Variants in SLCO6A1 observed in about 807,000 individuals in gnomAD.
SLCO6A1 encodes the protein solute carrier organic anion transporter family member 6A1, also known as cancer/testis antigen 48.
In SLCO6A1, 65 loss-of-function variants were observed where a neutral mutation model predicts 72.7. The ratio of observed to expected loss-of-function variants is 0.89; its 90% CI spans 0.73 to 1.10. The LOEUF (loss-of-function observed/expected upper bound fraction) is 1.10, where lower values mean the gene tolerates loss of function less well. SLCO6A1 is among the 50% of genes least tolerant of loss of function. The pLI is 0.00. For synonymous variants in SLCO6A1, 314 were observed against 298.2 expected, an observed-to-expected ratio of 1.05 and a Z score of -0.55; for missense variants, 874 against 872.6, an observed-to-expected ratio of 1.00 and a Z score of -0.02.
chr5:102,376,481 A>C (rs1375839840), intron 12 of SLCO6A1, among the ~76,000 whole-genome samples: 1 of 152,180 alleles, frequency 6.6e-6, no homozygotes, highest in African/African-American at 2.4e-5. Context: ...ATAACAATTC[A>C]TCAAAAAGAC....
intron 9 of SLCO6A1, among the ~76,000 whole-genome samples, chr5:102,409,956 T>C (rs1045927677): frequency 1.3e-5 from 2 of 152,100 alleles, no homozygotes; most frequent in African/African-American, 4.8e-5. Flanking sequence ...ATGGTGAGCA[T>C]TTAAAAATAA....
chr5:102,495,484 A>G (rs1752869206), intron 1 of SLCO6A1, among the ~76,000 whole-genome samples: 1 of 152,082 alleles, frequency 6.6e-6, no homozygotes, highest in Non-Finnish European at 1.5e-5. Flanking sequence ...AATCCCTACT[A>G]CTTGGGAGGC....
chr5:102,480,847 A>G (rs925200804), intron 1 of SLCO6A1, among the ~76,000 whole-genome samples: 2 of 152,142 alleles, frequency 1.3e-5, no homozygotes, highest in African/African-American at 4.8e-5. Flanking sequence ...ATATTTCCCA[A>G]ACTCGTTTGT....
chr5:102,377,612 T>A (rs1219593348), intron 12 of SLCO6A1, among the ~76,000 whole-genome samples: 1 of 151,932 alleles, frequency 6.6e-6, no homozygotes, highest in Non-Finnish European at 1.5e-5. Flanking sequence ...CAGTTTTTTT[T>A]AATAAAAAGA....
At position 102,475,504 on chromosome 5, in the gene SLCO6A1, C is replaced by T. The variant is rs575164277; in HGVS notation, c.899+193G>A. Among the ~76,000 whole-genome samples, 39 of 152,034 alleles carry T rather than the reference C, an allele frequency of 2.6e-4. No homozygotes were observed. The South Asian group carries it at 6.6e-3, about 26-fold the overall frequency. ...ATAGTTAACAGTGCTGTACTATGCACTTAAAAATGTTTAAGATGTATATTT... is the reference window on the plus strand; with the variant it reads ...ATAGTTAACAGTGCTGTACTATGCATTTAAAAATGTTTAAGATGTATATTT... On this transcript the variant is annotated intron_variant, in intron 4 of 13. Coordinates refer to ENST00000506729, the MANE Select transcript of SLCO6A1 (RefSeq NM_173488.5).
chr5:102,471,766 A>G (rs1311878886), intron 4 of SLCO6A1, among the ~76,000 whole-genome samples: 2 of 152,072 alleles, frequency 1.3e-5, no homozygotes, highest in African/African-American at 2.4e-5. Context: ...GAAAATGTAC[A>G]GTTAACTCAC....
chr5:102,445,209 T>C (rs4386713), intron 6 of SLCO6A1, among the ~76,000 whole-genome samples: 44,620 of 152,116 alleles, frequency 0.29, 6,841 homozygotes, highest in South Asian at 0.35. Flanking sequence ...GAGTTCCTTT[T>C]CTCTGCAACC....
At chr5:102,498,151 A>C (rs770046685) in intron 1 of SLCO6A1, among the ~76,000 whole-genome samples, 22 of 151,824 alleles carry the variant, frequency 1.4e-4, no homozygotes, top group Middle Eastern at 3.4e-3. Flanking sequence ...ATCTTTAAAA[A>C]CTCTGATCCC....
At position 102,498,609 on chromosome 5, in the gene SLCO6A1, C is replaced by T. The variant is rs1201376729; in HGVS notation, c.236G>A (p.Gly79Glu). Residue 79 changes from glycine (G) to glutamate (E), a missense_variant, in exon 1 of 14, where the codon GGA (glycine) becomes GAA (glutamate). Gly to Glu is a moderately conservative substitution (Grantham distance 98). Coordinates refer to ENST00000506729, the MANE Select transcript of SLCO6A1 (RefSeq NM_173488.5). The part of the protein sequence containing the change: ...KAKSSVSKKP[G>E]EVDDSLEQPC... ...CTGCTCCAAACTGTCATCCACTTCT[C>T]CCGGCTTCTTGGAAACTGAGGACTT... 1 of 1,614,264 alleles carries T rather than the reference C, an allele frequency of 6.2e-7. No homozygotes were observed. The highest frequency in any genetic ancestry group is 8.5e-7 in the Non-Finnish European group (1 of 1,180,044).
At position 102,475,710 on chromosome 5, in the gene SLCO6A1, T is replaced by G; in HGVS notation, c.886A>C (p.Thr296Pro). 1 of 1,598,164 alleles carries G rather than the reference T, an allele frequency of 6.3e-7. No individual in the cohort carries two copies. Among genetic ancestry groups the G allele is most frequent in the Non-Finnish European group, 8.5e-7 (1 of 1,172,324 alleles). Reference sequence around the variant, plus strand: ...ATAATGCCTTACTTTGTTGCAGAAGTAGTATTCTCAGGGACTTTAACTAGT... The same window carrying G: ...ATAATGCCTTACTTTGTTGCAGAAGGAGTATTCTCAGGGACTTTAACTAGT... ...APLVKVPENTTSATNTTVNNG... is the reference protein window; with the variant it reads ...APLVKVPENTPSATNTTVNNG... The change falls in exon 4 of 14, where the codon ACT becomes CCT. Residue 296 changes from threonine to proline, a missense_variant. Thr to Pro is a conservative substitution (Grantham distance 38, BLOSUM62 -1). Transcript: ENST00000506729.
At position 102,480,384 on chromosome 5, in the gene SLCO6A1, A is replaced by G. The variant is rs775254274; in HGVS notation, c.409T>C (p.Tyr137His). 1 of 1,613,476 alleles carries G rather than the reference A, an allele frequency of 6.2e-7. No individual in the cohort carries two copies. The highest frequency in any genetic ancestry group is 2.2e-5 in the East Asian group (1 of 44,796). The change falls in exon 2 of 14, where the codon TAT (tyrosine) becomes CAT (histidine). Residue 137 changes from tyrosine (Y) to histidine (H), a missense_variant. By Grantham distance (83) the Tyr-to-His change is moderately conservative. Coordinates refer to ENST00000506729, the MANE Select transcript of SLCO6A1 (RefSeq NM_173488.5). Reference sequence around the variant, plus strand: ...AACTTCTCAATGGTTTTCAGTTGATATTCCTTCTGAAAATCGCCAATGCTG... The same window carrying G: ...AACTTCTCAATGGTTTTCAGTTGATGTTCCTTCTGAAAATCGCCAATGCTG... ...DVSIGDFQKE[Y>H]QLKTIEKLAL...
At chr5:102,384,467 A>G (rs11746723) in intron 12 of SLCO6A1, among the ~76,000 whole-genome samples, 98,135 of 151,672 alleles carry the variant, frequency 0.65, 31,937 homozygotes, top group African/African-American at 0.67. Flanking sequence ...TTGTAGTGGC[A>G]GTACGCTTTT....
intron 4 of SLCO6A1, among the ~76,000 whole-genome samples, chr5:102,471,114 G>A (rs1035579330): frequency 2.0e-5 from 3 of 151,890 alleles, no homozygotes; most frequent in African/African-American, 7.3e-5. Flanking sequence ...CATTAATGAA[G>A]ACCTAGGTTG....
At chr5:102,459,859 G>T in intron 4 of SLCO6A1, 82 bp from the exon 5 acceptor site, 1 of 1,203,472 alleles carries the variant, frequency 8.3e-7, no homozygotes, top group Non-Finnish European at 1.1e-6. Flanking sequence ...AGTGGAGAAA[G>T]TGAGAGTGAG....
chr5:102,411,808 C>T (rs557477555), intron 9 of SLCO6A1, among the ~76,000 whole-genome samples: 3 of 152,248 alleles, frequency 2.0e-5, no homozygotes, highest in South Asian at 4.1e-4. Flanking sequence ...TTTGAAATGG[C>T]CCTGCAAAGC....
intron 9 of SLCO6A1, among the ~76,000 whole-genome samples, chr5:102,407,993 G>C (rs561788895): frequency 1.3e-5 from 2 of 152,040 alleles, no homozygotes; most frequent in East Asian, 3.9e-4. Flanking sequence ...TAATAAATGA[G>C]TGTTATTCAA....
chr5:102,416,948 G>A lies in SLCO6A1; in HGVS notation c.1472+2878C>T, dbSNP rs548669126. Among the ~76,000 whole-genome samples, 476 of 152,108 alleles carry A rather than the reference G, an allele frequency of 3.1e-3. 4 individuals are homozygous for A. Among genetic ancestry groups the A allele is most frequent in the South Asian group, 6.4e-3 (31 of 4,812 alleles). The stretch of plus-strand genomic sequence containing the variant: ...TTTTGGTCTACTTTTTCTATTTATT[G>A]TTGAGCCTTCTTCTATCCATTATCT... On this transcript the variant is annotated intron_variant, in intron 8 of 13. Coordinates refer to ENST00000506729, the MANE Select transcript of SLCO6A1 (RefSeq NM_173488.5).
chr5:102,448,731 C>T (rs759985079), intron 6 of SLCO6A1, among the ~76,000 whole-genome samples: 16 of 152,092 alleles, frequency 1.1e-4, no homozygotes, highest in Non-Finnish European at 1.9e-4. Flanking sequence ...ATAGATATTT[C>T]TCCATCCTTT....
chr5:102,390,908 TA>T, intron 11 of SLCO6A1, 72 bp downstream of exon 11: 1 of 1,233,732 alleles, frequency 8.1e-7, no homozygotes, highest in Non-Finnish European at 1.2e-6. Flanking sequence ...TTTGTAATAC[TA>T]AATACACATG....
Sources: gnomAD v4.1 joint callset for allele counts (sites outside exome capture counted in the v4.1 genomes callset) on GRCh38, gnomAD v4.1.1 for gene constraint, MANE v1.5 for transcripts, NCBI Gene and HGNC (gene_info 2026-07-23, HGNC 2026-07-21) for gene names.